The following LMF1 variants were observed in gnomAD, a reference collection of about 807,000 sequenced individuals.
LMF1 encodes the protein lipase maturation factor 1.
A neutral mutation model predicts 60.6 loss-of-function variants in LMF1; 68 were observed. That is an observed-to-expected ratio of 1.12 (90% CI 0.92 to 1.37). The LOEUF (loss-of-function observed/expected upper bound fraction) is 1.37. Ranked by LOEUF, LMF1 falls within the 40% of genes most tolerant of loss-of-function variation. The pLI, the probability that LMF1 is intolerant of heterozygous loss-of-function variation, is 0.00. For synonymous variants in LMF1, 418 were observed against 324.7 expected, an observed-to-expected ratio of 1.29 and a Z score of -3.09; for missense variants, 948 against 767.2, an observed-to-expected ratio of 1.24 and a Z score of -2.78.
chr16:954,699 T>G (rs767475034), intron 1 of LMF1, 33 bp from the exon 2 acceptor site: 77 of 1,550,828 alleles, frequency 5.0e-5, no homozygotes, highest in Admixed American at 1.5e-4. Context: ...CAAGCATGAC[T>G]AGGAACAAAC....
intron 2 of LMF1, among the ~76,000 whole-genome samples, chr16:944,533 G>T (rs1265217380): frequency 2.0e-5 from 3 of 152,224 alleles, no homozygotes; most frequent in Non-Finnish European, 4.4e-5. Flanking sequence ...GGGCCACCAA[G>T]GCCACCCTGT....
At chr16:934,526 T>C in intron 2 of LMF1, 2 of 485,306 alleles carry the variant, frequency 4.1e-6, no homozygotes, top group Non-Finnish European at 7.5e-6. Context: ...ATTTTGCGAA[T>C]GAGTGAATTA....
chr16:867,517 C>T (rs1023584189), intron 10 of LMF1, among the ~76,000 whole-genome samples: 6 of 152,126 alleles, frequency 3.9e-5, no homozygotes, highest in African/African-American at 9.7e-5. Flanking sequence ...TATTGAGCCT[C>T]GAAGGACGAG....
intron 3 of LMF1, among the ~76,000 whole-genome samples, chr16:928,751 G>A (rs369061): frequency 3.6e-5 from 4 of 110,456 alleles, no homozygotes; most frequent in East Asian, 3.0e-4. Flanking sequence ...CCATCCCCAC[G>A]CCCCCACGGG....
Position 967,260 on chromosome 16 carries a change from A to G in LMF1, c.193+3528T>C, listed in dbSNP as rs1291177023. On this transcript the variant is annotated intron_variant, in intron 1 of 10. Coordinates refer to ENST00000262301, the MANE Select transcript of LMF1 (RefSeq NM_022773.4). ...AGGCTCCAGACCAGCTGTTTGCCAC[A>G]CACGCCCCCGTACTGCAGGGTTGAC... Among the ~76,000 whole-genome samples the G allele has an allele frequency of 2.0e-5, 3 of 152,164 alleles. No individual in the cohort carries two copies. The East Asian group carries it at 5.8e-4, about 29-fold the overall frequency.
intron 10 of LMF1, among the ~76,000 whole-genome samples, chr16:863,438 A>G (rs1025397083): frequency 6.8e-6 from 1 of 146,592 alleles, no homozygotes; most frequent in African/African-American, 2.8e-5. Context: ...CACCACACCC[A>G]ACCTCTTTTT....
At position 949,560 on chromosome 16, in the gene LMF1, A is replaced by C. The variant is rs1282846279; in HGVS notation, c.503+4797T>G. 3.6e-3 allele frequency among the ~76,000 whole-genome samples: 262 copies of C among 73,070 alleles called. 2 individuals are homozygous for C. Among genetic ancestry groups the C allele is most frequent in the Admixed American group, 5.4e-3 (39 of 7,284 alleles). 47.9% of individuals were successfully genotyped at this position (73,070 alleles called of 152,430 possible). Reference sequence around the variant, plus strand: ...GTCAGAGCCAACGACAGAGTCAGAGACAATGACAGAGTCAGAGACAACGAC... The same window carrying C: ...GTCAGAGCCAACGACAGAGTCAGAGCCAATGACAGAGTCAGAGACAACGAC... On this transcript the variant is annotated intron_variant, in intron 2 of 10. Transcript: ENST00000262301.
intron 3 of LMF1, among the ~76,000 whole-genome samples, chr16:924,471 CA>C (rs2071536212): frequency 6.6e-6 from 1 of 152,094 alleles, no homozygotes; most frequent in Admixed American, 6.5e-5. Flanking sequence ...GTAATAAAAT[CA>C]AAGTTGAGAA....
In LMF1 at chr16:970,824, G is replaced by A. The variant is rs752448298; in HGVS notation, c.157C>T (p.Arg53Trp). The change falls in exon 1 of 11, where the codon CGG becomes TGG. Residue 53 changes from arginine (R) to tryptophan (W), a missense_variant. Transcript: ENST00000262301. ...HLHTGTFWLT[R>W]IVLLKALAFV... ...GCTAGGGCCTTCAGGAGCACGATCC[G>A]GGTCAGCCAGAAGGTGCCCGTGTGG... The A allele has an allele frequency of 5.8e-6, 9 of 1,545,878 alleles. No individual in the cohort carries two copies. In the Admixed American group the frequency reaches 1.2e-4, roughly 20 times the overall value.
At chr16:866,117 G>A (rs951660612) in intron 10 of LMF1, among the ~76,000 whole-genome samples, 17 of 152,128 alleles carry the variant, frequency 1.1e-4, no homozygotes, top group Admixed American at 6.5e-5. Context: ...ATCATCTGTC[G>A]ACTGTCCTTT....
At chr16:895,101 C>T (rs1182936665) in intron 4 of LMF1, among the ~76,000 whole-genome samples, 11 of 152,188 alleles carry the variant, frequency 7.2e-5, no homozygotes, top group Non-Finnish European at 7.4e-5. Context: ...CCATCTGCCA[C>T]GGCGCCAGTC....
chr16:979,695 G>C (rs1470443388), intron 1 of LMF1: 2 of 454,118 alleles, frequency 4.4e-6, no homozygotes, highest in South Asian at 1.6e-5. Flanking sequence ...GCTTTTCTTT[G>C]GCAAAGAGAG....
chr16:870,790 G>T lies in LMF1; in HGVS notation c.1171C>A (p.Gln391Lys), dbSNP rs764237677. 3 of 1,612,860 alleles carry T rather than the reference G, an allele frequency of 1.9e-6. No individual in the cohort carries two copies. In the South Asian group the frequency reaches 3.3e-5, roughly 18 times the overall value. The change falls in exon 8 of 11, where the codon CAG (glutamine) becomes AAG (lysine). Residue 391 changes from glutamine to lysine, a missense_variant. Coordinates refer to ENST00000262301, the MANE Select transcript of LMF1 (RefSeq NM_022773.4). ...PVVLNLLSSRQVMNTHFNSLH... is the reference protein window; with the variant it reads ...PVVLNLLSSRKVMNTHFNSLH... Reference sequence around the variant, plus strand: ...GAGTTGAAGTGGGTGTTCATGACCTGCCTGGAGCTCAGCAAGTTGAGGACC... The same window carrying T: ...GAGTTGAAGTGGGTGTTCATGACCTTCCTGGAGCTCAGCAAGTTGAGGACC...
chr16:931,012 T>C (rs2071765799), intron 3 of LMF1, among the ~76,000 whole-genome samples: 1 of 151,864 alleles, frequency 6.6e-6, no homozygotes, highest in South Asian at 2.1e-4. Context: ...TCCCAGCTAC[T>C]CGGGAGGCTG....
Position 970,861 on chromosome 16 carries a change from AG to A in LMF1, c.119del (p.Ser40PhefsTer12). 5 of 1,562,568 alleles carry A rather than the reference AG, an allele frequency of 3.2e-6. No homozygotes were observed. The highest frequency in any genetic ancestry group is 3.5e-6 in the Non-Finnish European group (4 of 1,155,716). Reference sequence around the variant, plus strand: ...AGGTGCCCGTGTGGAGATGGGCCGGAGAGCCTGCGGGGCCACGCCCCGGCGC... The same window carrying A: ...AGGTGCCCGTGTGGAGATGGGCCGGAAGCCTGCGGGGCCACGCCCCGGCGC... Reference protein sequence around the residue: ...PPAPGRGPAGSPAHLHTGTFW... With the variant: ...PPAPGRGPAGXPAHLHTGTFW... On this transcript the variant is annotated frameshift_variant, in exon 1 of 11. Coordinates refer to ENST00000262301, the MANE Select transcript of LMF1 (RefSeq NM_022773.4). LOFTEE classifies it high-confidence loss of function.
intron 3 of LMF1, among the ~76,000 whole-genome samples, chr16:915,759 C>T (rs915538030): frequency 2.0e-5 from 3 of 152,200 alleles, no homozygotes; most frequent in East Asian, 1.9e-4. Context: ...CCGTGTGGGA[C>T]GAGAGACACG....
chr16:980,209 G>A (rs748289472), intron 1 of LMF1: 6 of 181,676 alleles, frequency 3.3e-5, no homozygotes, highest in Non-Finnish European at 7.0e-5. Flanking sequence ...TCCTCCAAAG[G>A]CCCTGGCCCC....
At chr16:915,418 G>A (rs2071253068) in intron 3 of LMF1, among the ~76,000 whole-genome samples, 1 of 152,248 alleles carries the variant, frequency 6.6e-6, no homozygotes, top group South Asian at 2.1e-4. Flanking sequence ...CCAGGCAGAG[G>A]TGCGTGCTCA....
At chr16:971,026 C>A, upstream of LMF1, 1 of 1,362,590 alleles carries the variant, frequency 7.3e-7, no homozygotes, top group Non-Finnish European at 9.5e-7. Context: ...TTCTCGGAGG[C>A]CCCGCCCATT....
Sources: gnomAD v4.1 joint callset for allele counts (sites outside exome capture counted in the v4.1 genomes callset) on GRCh38, gnomAD v4.1.1 for gene constraint, MANE v1.5 for transcripts, NCBI Gene and HGNC (gene_info 2026-07-23, HGNC 2026-07-21) for gene names.